The following CNOT2 variants were observed in gnomAD, a reference collection of about 807,000 sequenced individuals.
The protein encoded by CNOT2 is CC chemokine receptor 4-negative regulator of transcription 2.
Under a neutral mutation model 72.1 loss-of-function variants are expected in CNOT2, and 7 were observed. The ratio of observed to expected loss-of-function variants is 0.10; its 90% CI spans 0.06 to 0.18. The LOEUF is 0.18. Ranked by LOEUF, CNOT2 falls within the 10% of genes least tolerant of loss-of-function variation. The pLI, the probability that CNOT2 is intolerant of heterozygous loss-of-function variation, is 1.00. For missense variants in CNOT2, 345 were observed against 660.3 expected, an observed-to-expected ratio of 0.52 and a Z score of 5.23; for synonymous variants, 196 against 225.6, an observed-to-expected ratio of 0.87 and a Z score of 1.17.
intron 8 of CNOT2, chr12:70,335,988 T>TCCA (rs76709261): frequency 0.048 from 7,578 of 157,530 alleles, 701 homozygotes; most frequent in East Asian, 0.44. Context: ...TTTCTCAACC[T>TCCA]CCACACTGTT....
intron 2 of CNOT2, 106 bp from the exon 3 acceptor site, chr12:70,310,789 G>A (rs965494704): frequency 3.5e-6 from 3 of 864,992 alleles, no homozygotes; most frequent in Admixed American, 5.2e-5. Context: ...ATCAATTTCT[G>A]TATCTTAGCA....
intron 6 of CNOT2, chr12:70,332,445 A>C (rs1331760741): frequency 5.3e-6 from 1 of 189,404 alleles, no homozygotes; most frequent in East Asian, 1.3e-4. Flanking sequence ...GAGGTTAGGT[A>C]ATTCAGGTAT....
intron 3 of CNOT2, 86 bp from the exon 4 acceptor site, chr12:70,319,212 A>G (rs1178259392): frequency 4.7e-6 from 5 of 1,057,376 alleles, no homozygotes; most frequent in South Asian, 1.7e-5. Context: ...TTTCACATTT[A>G]TGGTATGATT....
intron 2 of CNOT2, among the ~76,000 whole-genome samples, chr12:70,282,794 A>G (rs1870096252): frequency 6.6e-6 from 1 of 152,098 alleles, no homozygotes; most frequent in Non-Finnish European, 1.5e-5. Context: ...ATTGAGGTAC[A>G]TCTTTTTTAT....
intron 2 of CNOT2, among the ~76,000 whole-genome samples, chr12:70,286,950 T>A (rs11178173): frequency 0.22 from 32,599 of 151,470 alleles, 3,934 homozygotes; most frequent in African/African-American, 0.33. Context: ...TAAAAAAAAA[T>A]TTTTAGTTAT....
At chr12:70,343,686 A>T (rs780062884) in intron 13 of CNOT2, among the ~76,000 whole-genome samples, 1 of 152,190 alleles carries the variant, frequency 6.6e-6, no homozygotes, top group African/African-American at 2.4e-5. Context: ...TAACCCTCAT[A>T]GGTGTCATTG....
chr12:70,280,058 A>G (rs1869554812), intron 2 of CNOT2, among the ~76,000 whole-genome samples: 1 of 152,192 alleles, frequency 6.6e-6, no homozygotes, highest in Admixed American at 6.5e-5. Flanking sequence ...TAGAATGTCT[A>G]TATAAGAATG....
chr12:70,292,007 G>GT (rs1223673076), intron 2 of CNOT2, among the ~76,000 whole-genome samples: 1 of 152,158 alleles, frequency 6.6e-6, no homozygotes, highest in African/African-American at 2.4e-5. Flanking sequence ...ATGCTATAAG[G>GT]AGTGGACAGA....
Position 70,291,989 on chromosome 12 carries a change from A to T in CNOT2, c.48+13715A>T, listed in dbSNP as rs111853664. On this transcript the variant is annotated intron_variant, in intron 2 of 15. Coordinates refer to ENST00000229195, the MANE Select transcript of CNOT2 (RefSeq NM_014515.7). The stretch of plus-strand genomic sequence containing the variant: ...GTAATAGATACTGCGAGCAATATTC[A>T]CGGATGAATGCTATAAGGAGTGGAC... Among the ~76,000 whole-genome samples the T allele has an allele frequency of 4.6e-3, 693 of 152,272 alleles. 6 individuals carry two copies. Among genetic ancestry groups the T allele is most frequent in the African/African-American group, 0.015 (618 of 41,554 alleles).
rs542716971 is a variant in CNOT2, at chr12:70,335,323, C to T, written c.650-115C>T. On this transcript the variant is annotated intron_variant, in intron 7 of 15. Coordinates refer to ENST00000229195, the MANE Select transcript of CNOT2 (RefSeq NM_014515.7). ...CACCTACATACACCTAGTACAGTGC[C>T]GTGCATTATTTAGGAAGAAGGCGCA... The T allele has an allele frequency of 2.9e-4, 213 of 727,018 alleles. 3 individuals are homozygous for T. In the East Asian group the frequency reaches 5.2e-3, roughly 18 times the overall value. The allele number at this position is 727,018 out of a possible 1,614,324, so 45.0% of individuals were successfully genotyped here.
chr12:70,285,757 T>C (rs533357942), intron 2 of CNOT2, among the ~76,000 whole-genome samples: 5 of 152,204 alleles, frequency 3.3e-5, no homozygotes, highest in African/African-American at 1.2e-4. Flanking sequence ...CAGTTTTCAG[T>C]TTTTATGCAT....
At chr12:70,279,194 T>C (rs1016285575) in intron 2 of CNOT2, among the ~76,000 whole-genome samples, 6 of 152,166 alleles carry the variant, frequency 3.9e-5, no homozygotes, top group African/African-American at 1.4e-4. Flanking sequence ...AACTAACTGT[T>C]TATCTGCTAA....
At chr12:70,243,691 G>A (rs1383192559) in intron 1 of CNOT2, 1 of 150,912 alleles carries the variant, frequency 6.6e-6, no homozygotes, top group Non-Finnish European at 1.5e-5. Context: ...GGGGGGTGGC[G>A]GCGGTGGAGG....
At chr12:70,306,480 T>C (rs1373808478) in intron 2 of CNOT2, among the ~76,000 whole-genome samples, 17 of 152,206 alleles carry the variant, frequency 1.1e-4, no homozygotes, top group Non-Finnish European at 2.2e-4. Context: ...TAGAATATGC[T>C]GCTTAGTTCT....
chr12:70,349,310 TG>T (rs981623794), intron 15 of CNOT2, among the ~76,000 whole-genome samples: 6 of 152,324 alleles, frequency 3.9e-5, no homozygotes, highest in Admixed American at 1.3e-4. Context: ...TAACATGTCA[TG>T]TCACAAGTTG....
At chr12:70,310,452 T>C (rs1324593825) in intron 2 of CNOT2, among the ~76,000 whole-genome samples, 1 of 152,036 alleles carries the variant, frequency 6.6e-6, no homozygotes, top group Non-Finnish European at 1.5e-5. Context: ...TATATTTCAG[T>C]AAACTTAGAT....
At chr12:70,339,012 T>TTGTGTG (rs1457871277) in intron 11 of CNOT2, among the ~76,000 whole-genome samples, 190 bp downstream of exon 11, 1 of 108,188 alleles carries the variant, frequency 9.2e-6, no homozygotes, top group Admixed American at 9.2e-5. Flanking sequence ...ATTTGGCATT[T>TTGTGTG]TATGTGTGTG....
chr12:70,316,346 A>T (rs1161172148), intron 3 of CNOT2, among the ~76,000 whole-genome samples: 1 of 152,154 alleles, frequency 6.6e-6, no homozygotes, highest in Admixed American at 6.6e-5. Flanking sequence ...CTGTCAGAGT[A>T]TATTTCTTGT....
At chr12:70,301,250 A>G (rs1873907444) in intron 2 of CNOT2, among the ~76,000 whole-genome samples, 1 of 152,144 alleles carries the variant, frequency 6.6e-6, no homozygotes, top group African/African-American at 2.4e-5. Context: ...AGAACTTCCA[A>G]CACTGTGTTG....
Sources: gnomAD v4.1 joint callset for allele counts (sites outside exome capture counted in the v4.1 genomes callset) on GRCh38, gnomAD v4.1.1 for gene constraint, MANE v1.5 for transcripts, NCBI Gene and HGNC (gene_info 2026-07-23, HGNC 2026-07-21) for gene names.